The following MAGI1 variants were observed in gnomAD, a reference collection of about 807,000 sequenced individuals.
MAGI1 encodes membrane associated guanylate kinase, WW and PDZ domain containing 1.
Under a neutral mutation model 139.9 loss-of-function variants are expected in MAGI1, and 58 were observed. The observed-to-expected ratio is 0.41, with a 90% CI of 0.34 to 0.52. MAGI1 has a LOEUF of 0.52. MAGI1 is among the 20% of genes least tolerant of loss of function. The pLI is 0.12. For synonymous variants in MAGI1, 812 were observed against 737.9 expected (o/e 1.10, Z -1.63); for missense variants, 1,874 against 1,901.6 (o/e 0.99, Z 0.27).
intron 1 of MAGI1, among the ~76,000 whole-genome samples, chr3:65,776,439 A>T (rs1009387868): frequency 6.6e-6 from 1 of 152,190 alleles, no homozygotes; most frequent in Non-Finnish European, 1.5e-5. Context: ...TAAAAATGGT[A>T]ACCCTTATTT....
In MAGI1 at chr3:65,920,948, G is replaced by C. The variant is rs528560649; in HGVS notation, c.313+117048C>G. On this transcript the variant is annotated intron_variant, in intron 1 of 22. Coordinates refer to ENST00000402939, the MANE Select transcript of MAGI1 (RefSeq NM_001033057.2). The stretch of plus-strand genomic sequence containing the variant: ...GGAGGCTGAGGCAGGAGAATTGCTT[G>C]AACCCGGGAAGCAGAGGTTGCAGAG... Among the ~76,000 whole-genome samples, 110 of 151,946 alleles carry C rather than the reference G, an allele frequency of 7.2e-4. 4 individuals carry two copies. The South Asian group carries it at 0.021, about 29-fold the overall frequency.
intron 1 of MAGI1, among the ~76,000 whole-genome samples, chr3:65,829,128 C>A (rs1014729778): frequency 2.0e-5 from 3 of 152,182 alleles, no homozygotes; most frequent in African/African-American, 7.2e-5. Context: ...AGCCTTCTGA[C>A]CTTCACAAAT....
intron 1 of MAGI1, among the ~76,000 whole-genome samples, chr3:65,963,110 T>C (rs2064532539): frequency 6.8e-6 from 1 of 146,414 alleles, no homozygotes; most frequent in Non-Finnish European, 1.5e-5. Context: ...GCAGATGGAT[T>C]GCCTGAGCTT....
At chr3:65,406,702 C>T (rs1945366192) in intron 12 of MAGI1, among the ~76,000 whole-genome samples, 1 of 151,268 alleles carries the variant, frequency 6.6e-6, no homozygotes, top group Admixed American at 6.6e-5. Flanking sequence ...GAAAAACTGT[C>T]CTGGAGTTGG....
At chr3:65,732,450 G>T (rs976166868) in intron 1 of MAGI1, among the ~76,000 whole-genome samples, 4 of 151,982 alleles carry the variant, frequency 2.6e-5, no homozygotes, top group African/African-American at 9.7e-5. Flanking sequence ...GGAAAGAAAC[G>T]GTTTCTGAAT....
chr3:65,700,236 G>A (rs533054892), intron 1 of MAGI1, among the ~76,000 whole-genome samples: 2 of 152,262 alleles, frequency 1.3e-5, no homozygotes, highest in East Asian at 1.9e-4. Context: ...GAGGTCAGGA[G>A]TTCAAGACCA....
chr3:65,533,489 A>G (rs921745322), intron 2 of MAGI1, among the ~76,000 whole-genome samples: 1 of 152,236 alleles, frequency 6.6e-6, no homozygotes, highest in Non-Finnish European at 1.5e-5. Flanking sequence ...TCATTACTTT[A>G]GTGTTGTGAC....
At chr3:65,834,585 T>C (rs1307031838) in intron 1 of MAGI1, among the ~76,000 whole-genome samples, 1 of 152,242 alleles carries the variant, frequency 6.6e-6, no homozygotes, top group African/African-American at 2.4e-5. Flanking sequence ...TAAATGCCAA[T>C]TAGATTCAGT....
chr3:65,997,846 T>C (rs1194865618), intron 1 of MAGI1, among the ~76,000 whole-genome samples: 2 of 152,032 alleles, frequency 1.3e-5, no homozygotes, highest in Non-Finnish European at 2.9e-5. Flanking sequence ...CCAACTCTAG[T>C]CTCACAAGAC....
chr3:65,741,740 T>C (rs536351145), intron 1 of MAGI1, among the ~76,000 whole-genome samples: 1 of 152,316 alleles, frequency 6.6e-6, no homozygotes, highest in South Asian at 2.1e-4. Context: ...GATCACAACA[T>C]GTCATAGACA....
At chr3:65,409,044 G>A (rs764905675) in intron 12 of MAGI1, among the ~76,000 whole-genome samples, 4 of 152,210 alleles carry the variant, frequency 2.6e-5, no homozygotes, top group Non-Finnish European at 4.4e-5. Flanking sequence ...TATGTTGGGT[G>A]ATCATGCAAG....
intron 22 of MAGI1, chr3:65,360,720 G>C (rs1290708087): frequency 2.0e-6 from 2 of 1,004,008 alleles, no homozygotes; most frequent in East Asian, 2.0e-4. Context: ...GAGCATAAGG[G>C]AGGTTAGCAA....
Position 65,933,271 on chromosome 3 carries a change from G to C in MAGI1, c.313+104725C>G, listed in dbSNP as rs75753303. Among the ~76,000 whole-genome samples, 10 of 152,182 alleles carry C rather than the reference G, an allele frequency of 6.6e-5. No homozygotes were observed. The South Asian group carries it at 8.3e-4, about 13-fold the overall frequency. On this transcript the variant is annotated intron_variant, in intron 1 of 22. Transcript: ENST00000402939. Reference sequence around the variant, plus strand: ...CTACAAGTAAGGAACAGTTTAGTTCGTGGCTCAGGATCTCATGTGGTTGCA... The same window carrying C: ...CTACAAGTAAGGAACAGTTTAGTTCCTGGCTCAGGATCTCATGTGGTTGCA...
intron 1 of MAGI1, among the ~76,000 whole-genome samples, chr3:65,978,331 C>T (rs79652110): frequency 0.013 from 1,907 of 152,268 alleles, 34 homozygotes; most frequent in African/African-American, 0.034. Flanking sequence ...AAGTTTGTGG[C>T]TCTAGAATCC....
chr3:65,884,863 G>C (rs1464209017), intron 1 of MAGI1, among the ~76,000 whole-genome samples: 1 of 152,126 alleles, frequency 6.6e-6, no homozygotes, highest in Non-Finnish European at 1.5e-5. Context: ...GGATTGGAGA[G>C]AGTATAAGAA....
chr3:65,512,544 T>C lies in MAGI1; in HGVS notation c.431-18913A>G, dbSNP rs555880870. On this transcript the variant is annotated intron_variant, in intron 2 of 22. Coordinates refer to ENST00000402939, the MANE Select transcript of MAGI1 (RefSeq NM_001033057.2). The stretch of plus-strand genomic sequence containing the variant: ...TACAAACACCTCTACGCAAATAAAA[T>C]AGAAAATCTAGAAGAAATGGATAAA... 8.7e-4 allele frequency among the ~76,000 whole-genome samples: 132 copies of C among 152,082 alleles called. 1 individual carries two copies. The highest frequency in any genetic ancestry group is 4.0e-3 in the South Asian group (19 of 4,804).
At chr3:65,661,058 CT>C in intron 1 of MAGI1, among the ~76,000 whole-genome samples, 1 of 152,284 alleles carries the variant, frequency 6.6e-6, no homozygotes, top group East Asian at 1.9e-4. Flanking sequence ...ACAGAACCAT[CT>C]TTCCTGACAT....
intron 1 of MAGI1, among the ~76,000 whole-genome samples, chr3:65,911,006 C>T (rs1297018551): frequency 4.6e-5 from 7 of 151,362 alleles, no homozygotes; most frequent in African/African-American, 1.7e-4. Flanking sequence ...TACAGGTGCA[C>T]GCCAGCACAC....
At chr3:65,947,170 A>G (rs1228229575) in intron 1 of MAGI1, among the ~76,000 whole-genome samples, 1 of 152,220 alleles carries the variant, frequency 6.6e-6, no homozygotes, top group Non-Finnish European at 1.5e-5. Flanking sequence ...TAGTTCTTCA[A>G]GGAAAGAGGA....
Sources: allele counts gnomAD v4.1 joint callset (sites outside exome capture counted in the v4.1 genomes callset), GRCh38; gene constraint gnomAD v4.1.1; transcripts MANE v1.5; gene names NCBI Gene and HGNC (gene_info 2026-07-23, HGNC 2026-07-21).